TENM1: variants seen among roughly 807,000 people sequenced by gnomAD.
TENM1 encodes the protein teneurin transmembrane protein 1.
Under a neutral mutation model 174.8 loss-of-function variants are expected in TENM1, and 35 were observed. The ratio of observed to expected loss-of-function variants is 0.20; its 90% confidence interval spans 0.15 to 0.27. TENM1 has a LOEUF of 0.27. TENM1 is among the 10% of genes least tolerant of loss of function. The pLI, the probability that TENM1 is intolerant of heterozygous loss-of-function variation, is 1.00. For synonymous variants in TENM1, 781 were observed against 798.7 expected (o/e 0.98, Z 0.37); for missense variants, 1,633 against 2,130.1 (o/e 0.77, Z 4.59).
chrX:124,876,796 CTA>C (rs1031873583), intron 3 of TENM1, among the ~76,000 whole-genome samples: 1 of 111,672 alleles, frequency 9.0e-6, no homozygotes, highest in Non-Finnish European at 1.9e-5. Context: ...TGTATTTTTT[CTA>C]TGAGATTATC....
At position 124,406,460 on chromosome X, in the gene TENM1, G is replaced by A. The variant is rs374590240; in HGVS notation, c.5012C>T (p.Ala1671Val). 62 of 1,204,689 alleles carry A rather than the reference G, an allele frequency of 5.1e-5. No individual in the cohort carries two copies. Among genetic ancestry groups the A allele is most frequent in the Non-Finnish European group, 6.6e-5 (59 of 892,133 alleles). The change falls in exon 26 of 32, where the codon GCA becomes GTA. Residue 1671 changes from alanine (A) to valine (V), a missense_variant. By Grantham distance (64) the Ala-to-Val change is moderately conservative. Transcript: ENST00000422452. The stretch of plus-strand genomic sequence containing the variant: ...GCTGACCTCTCCAGTGGGAAACGTT[G>A]CATTGGTCAGGTGTCCCTCGGGGTC...
chrX:125,068,388 A>C, the TENM1 span, among the ~76,000 whole-genome samples: 1 of 112,053 alleles, frequency 8.9e-6, no homozygotes, highest in African/African-American at 3.2e-5. Context: ...CTAACAAATG[A>C]AGTGAATGAA....
chrX:124,974,371 A>G, the TENM1 span, among the ~76,000 whole-genome samples: 125 of 111,826 alleles, frequency 1.1e-3, no homozygotes, highest in African/African-American at 4.0e-3. Flanking sequence ...TATTTGTTTA[A>G]TCTACCTGTT....
At chrX:125,190,073 C>T in the TENM1 span, among the ~76,000 whole-genome samples, 2 of 111,210 alleles carry the variant, frequency 1.8e-5, no homozygotes, top group Non-Finnish European at 3.8e-5. Flanking sequence ...TCAAAGACTT[C>T]GCAGAAAATA....
chrX:124,815,909 T>C (rs1326535855), intron 3 of TENM1, among the ~76,000 whole-genome samples: 3 of 111,557 alleles, frequency 2.7e-5, no homozygotes, highest in Admixed American at 1.9e-4. Context: ...AAAATGGTAT[T>C]TGTTTCCAAT....
chrX:124,419,580 C>T (rs1259740756), intron 25 of TENM1, among the ~76,000 whole-genome samples: 1 of 112,076 alleles, frequency 8.9e-6, no homozygotes, highest in Non-Finnish European at 1.9e-5. Flanking sequence ...TACGGCACCT[C>T]CTAGTAGCTT....
chrX:124,818,144 G>A (rs921008844), intron 3 of TENM1, among the ~76,000 whole-genome samples: 1 of 111,114 alleles, frequency 9.0e-6, no homozygotes, highest in Non-Finnish European at 1.9e-5. Context: ...TTCATTTCCT[G>A]AAAACTGATA....
chrX:124,421,809 T>C (rs1245238610), intron 24 of TENM1, among the ~76,000 whole-genome samples: 9 of 111,577 alleles, frequency 8.1e-5, no homozygotes, highest in African/African-American at 1.6e-4. Flanking sequence ...AGCACATGCT[T>C]TTAATCTGAA....
intron 27 of TENM1, 63 bp downstream of exon 30, chrX:124,404,961 AAACAAAC>A: frequency 1.1e-6 from 1 of 919,144 alleles, no homozygotes; most frequent in Non-Finnish European, 1.5e-6. Flanking sequence ...TTAAACAAAC[AAACAAAC>A]AAACAAACAA....
At chrX:124,761,303 T>C (rs995872285) in intron 3 of TENM1, among the ~76,000 whole-genome samples, 1 of 110,145 alleles carries the variant, frequency 9.1e-6, no homozygotes, top group Admixed American at 9.7e-5. Context: ...CAAATGTCCA[T>C]CAATGATAGA....
chrX:124,499,396 T>C (rs184065156), intron 19 of TENM1, among the ~76,000 whole-genome samples: 1 of 111,490 alleles, frequency 9.0e-6, no homozygotes, highest in East Asian at 2.8e-4. Flanking sequence ...ATCCATCATA[T>C]AGTATTGGAT....
chrX:125,038,155 T>G, the TENM1 span, among the ~76,000 whole-genome samples: 1 of 111,202 alleles, frequency 9.0e-6, no homozygotes, highest in East Asian at 2.8e-4. Context: ...TATATATGTT[T>G]TAGGATATAT....
intron 1 of TENM1, among the ~76,000 whole-genome samples, chrX:124,947,870 G>GA (rs1293756371): frequency 2.7e-5 from 3 of 111,350 alleles, no homozygotes; most frequent in Non-Finnish European, 5.7e-5. Flanking sequence ...TTTCAAGGAA[G>GA]AAAAAAAATC....
At chrX:124,413,845 C>T (rs1054867957) in intron 25 of TENM1, among the ~76,000 whole-genome samples, 5 of 112,405 alleles carry the variant, frequency 4.4e-5, no homozygotes, top group African/African-American at 9.7e-5. Flanking sequence ...GCATTGGAAA[C>T]GTCACATGTG....
chrX:124,585,763 G>C (rs2049487001), intron 11 of TENM1, among the ~76,000 whole-genome samples: 1 of 111,206 alleles, frequency 9.0e-6, no homozygotes, highest in Admixed American at 9.6e-5. Context: ...TTTTTTGAAA[G>C]GATCAACAAA....
At chrX:124,475,326 G>A (rs923296295) in intron 22 of TENM1, among the ~76,000 whole-genome samples, 3 of 111,150 alleles carry the variant, frequency 2.7e-5, no homozygotes, top group South Asian at 3.8e-4. Context: ...TTTATTCCCC[G>A]TCTTCTTTAT....
At chrX:124,530,956 G>A (rs1310966451) in intron 15 of TENM1, among the ~76,000 whole-genome samples, 1 of 110,723 alleles carries the variant, frequency 9.0e-6, no homozygotes, top group Non-Finnish European at 1.9e-5. Context: ...CAAATCCCAA[G>A]CAAGGATTTT....
intron 3 of TENM1, among the ~76,000 whole-genome samples, chrX:124,774,396 T>C (rs1239665019): frequency 1.8e-5 from 2 of 109,962 alleles, no homozygotes; most frequent in Non-Finnish European, 3.8e-5. Flanking sequence ...TTAAGGGTCA[T>C]GGAGGATAGA....
intron 27 of TENM1, among the ~76,000 whole-genome samples, chrX:124,396,500 C>T (rs1216415434): frequency 1.0e-4 from 11 of 109,631 alleles, no homozygotes; most frequent in East Asian, 2.9e-4. Flanking sequence ...GACAGGGTTT[C>T]GCCATGTTGG....
Sources: allele counts gnomAD v4.1 joint callset (sites outside exome capture counted in the v4.1 genomes callset), GRCh38; gene constraint gnomAD v4.1.1; transcripts MANE v1.5; gene names NCBI Gene and HGNC (gene_info 2026-07-23, HGNC 2026-07-21).